Variants in NGLY1 observed in about 807,000 individuals in gnomAD.
NGLY1 encodes the protein peptide-N(4)-(N-acetyl-beta-glucosaminyl)asparagine amidase.
NGLY1 carries 68 observed loss-of-function variants against 84.6 expected under a neutral mutation model. The observed-to-expected ratio is 0.80, with a 90% confidence interval of 0.66 to 0.98. The LOEUF is 0.98. Among genes scored for constraint, NGLY1 ranks in the 50% least tolerant of loss-of-function variants. The probability of loss-of-function intolerance (pLI) is 0.00; values close to 1 mark genes in which losing one functional copy is unlikely to be tolerated. For missense variants in NGLY1, 779 were observed against 770.2 expected (o/e 1.01, Z -0.14); for synonymous variants, 280 against 275.2 (o/e 1.02, Z -0.17).
chr3:25,733,276 C>CTTTTTTT (rs1705633290), intron 8 of NGLY1, among the ~76,000 whole-genome samples: 1 of 152,124 alleles, frequency 6.6e-6, no homozygotes, highest in African/African-American at 2.4e-5. Context: ...CTGCCTGCTA[C>CTTTTTTT]AGCAAAATTC....
intron 2 of NGLY1, among the ~76,000 whole-genome samples, chr3:25,777,124 G>A (rs897231731): frequency 2.0e-5 from 3 of 152,314 alleles, no homozygotes; most frequent in South Asian, 4.1e-4. Flanking sequence ...GGCTGGGCAC[G>A]GCGGCTCACG....
intron 2 of NGLY1, among the ~76,000 whole-genome samples, chr3:25,766,362 C>G (rs555582080): frequency 1.3e-5 from 2 of 152,148 alleles, no homozygotes; most frequent in African/African-American, 4.8e-5. Flanking sequence ...CCACCATTCC[C>G]GGCCAATACT....
upstream of NGLY1, among the ~76,000 whole-genome samples, chr3:25,787,223 A>G (rs1708624249): frequency 1.3e-5 from 2 of 152,178 alleles, no homozygotes; most frequent in South Asian, 4.1e-4. Flanking sequence ...GAAGCCTTAA[A>G]TTGAGAGGTT....
chr3:25,742,385 G>C (rs1247365373), intron 4 of NGLY1, among the ~76,000 whole-genome samples: 1 of 152,036 alleles, frequency 6.6e-6, no homozygotes, highest in Non-Finnish European at 1.5e-5. Context: ...TTAAAAAGCT[G>C]TCCAATACAT....
chr3:25,783,245 C>A lies in NGLY1; in HGVS notation c.131+15G>T. 1 of 1,607,164 alleles carries A rather than the reference C, an allele frequency of 6.2e-7. No homozygotes were observed. Among genetic ancestry groups the A allele is most frequent in the East Asian group, 2.3e-5 (1 of 44,118 alleles). ...CCCACCCCGGTACCCGCCGTCCGACCCCGTTGCCCTGCACCTGAGGATGTT... is the reference window on the plus strand; with the variant it reads ...CCCACCCCGGTACCCGCCGTCCGACACCGTTGCCCTGCACCTGAGGATGTT... On this transcript the variant is annotated intron_variant, in intron 1 of 11. Coordinates refer to ENST00000280700, the MANE Select transcript of NGLY1 (RefSeq NM_018297.4). The surrounding 1 kb of genome is among the most constrained non-coding windows in gnomAD (Gnocchi z 4.5).
chr3:25,728,297 CACTAGCAGCTGTTT>C (rs1481250867), intron 10 of NGLY1, among the ~76,000 whole-genome samples: 1 of 152,088 alleles, frequency 6.6e-6, no homozygotes, highest in East Asian at 1.9e-4. Flanking sequence ...TGCTCATAAA[CACTAGCAGCTGTTT>C]ATATGTGACT....
At chr3:25,786,677 A>G (rs1329449906), upstream of NGLY1, among the ~76,000 whole-genome samples, 1 of 152,238 alleles carries the variant, frequency 6.6e-6, no homozygotes, top group East Asian at 1.9e-4. Context: ...ACAGTTACTC[A>G]AGAACTTTAA....
At chr3:25,780,381 C>T (rs1343318475) in intron 1 of NGLY1, among the ~76,000 whole-genome samples, 3 of 152,078 alleles carry the variant, frequency 2.0e-5, no homozygotes, top group Non-Finnish European at 2.9e-5. Flanking sequence ...AGCTAGTTTT[C>T]GATAAATGGG....
chr3:25,746,523 C>T (rs934520867), intron 4 of NGLY1, among the ~76,000 whole-genome samples: 5 of 152,166 alleles, frequency 3.3e-5, no homozygotes, highest in Non-Finnish European at 7.3e-5. Flanking sequence ...AGAAAAAATG[C>T]TGGAGCAAAT....
rs768017869 is a variant in NGLY1, at chr3:25,737,415, G to A, written c.922C>T (p.Arg308Trp). 5 of 1,613,058 alleles carry A rather than the reference G, an allele frequency of 3.1e-6. No individual in the cohort carries two copies. Among genetic ancestry groups the A allele is most frequent in the African/African-American group, 2.7e-5 (2 of 74,776 alleles). The change falls in exon 6 of 12, where the codon CGG becomes TGG. Residue 308 changes from arginine (R) to tryptophan (W), a missense_variant. Arg to Trp is a moderately radical substitution (Grantham distance 101, BLOSUM62 -3). Coordinates refer to ENST00000280700, the MANE Select transcript of NGLY1 (RefSeq NM_018297.4). ...PEKLLETRCG[R>W]CGEWANCFTL... ...AAACAATTGGCCCACTCGCCACACC[G>A]TCCACATCTTGTTTCCAAAAGTTTC...
chr3:25,784,028 C>T (rs576199709), upstream of NGLY1: 3 of 152,194 alleles, frequency 2.0e-5, no homozygotes, highest in Non-Finnish European at 4.4e-5. Flanking sequence ...CTCCTTTCCC[C>T]ACAAATAAAA....
chr3:25,720,013 C>T lies in NGLY1; in HGVS notation c.1789+1G>A, dbSNP rs1261363915. The T allele has an allele frequency of 6.2e-7, 1 of 1,607,048 alleles. No individual in the cohort carries two copies. Among genetic ancestry groups the T allele is most frequent in the Non-Finnish European group, 8.5e-7 (1 of 1,175,394 alleles). On this transcript the variant is annotated splice_donor_variant, in intron 11 of 11. Coordinates refer to ENST00000280700, the MANE Select transcript of NGLY1 (RefSeq NM_018297.4). LOFTEE classifies it high-confidence loss of function. The stretch of plus-strand genomic sequence containing the variant: ...GATTAATTCTCCAGGCAAATGCTTA[C>T]CGCCTGTCAGTTCTACTTGTGCTGT...
At chr3:25,749,905 T>C (rs1706640309) in intron 4 of NGLY1, 2 of 767,340 alleles carry the variant, frequency 2.6e-6, no homozygotes, top group African/African-American at 1.8e-5. Context: ...AGACAGCTCA[T>C]GTGCATGTTT....
intron 4 of NGLY1, among the ~76,000 whole-genome samples, chr3:25,744,132 C>A (rs1469514703): frequency 6.6e-6 from 1 of 152,218 alleles, no homozygotes; most frequent in African/African-American, 2.4e-5. Flanking sequence ...TAACTCCATT[C>A]TCTGAAAACC....
At chr3:25,749,452 G>C in intron 4 of NGLY1, 2 of 1,179,430 alleles carry the variant, frequency 1.7e-6, no homozygotes, top group Non-Finnish European at 2.5e-6. Flanking sequence ...CCTCAGCACT[G>C]CCTACAGAGG....
chr3:25,736,243 G>C, intron 6 of NGLY1, 94 bp from the exon 7 acceptor site: 4 of 1,556,594 alleles, frequency 2.6e-6, no homozygotes, highest in Non-Finnish European at 3.5e-6. Context: ...GAATCATAAA[G>C]TAATGCATAA....
chr3:25,763,624 T>A (rs1393886983), intron 3 of NGLY1, among the ~76,000 whole-genome samples: 1 of 152,230 alleles, frequency 6.6e-6, no homozygotes, highest in Non-Finnish European at 1.5e-5. Flanking sequence ...ACAGGATAAT[T>A]TCCTATCAAA....
intron 3 of NGLY1, among the ~76,000 whole-genome samples, chr3:25,761,156 A>G (rs1377470858): frequency 6.6e-6 from 1 of 152,312 alleles, no homozygotes; most frequent in East Asian, 1.9e-4. Flanking sequence ...AAAAGTTCCT[A>G]ACAATTTCAT....
At chr3:25,768,384 T>C (rs1403494842) in intron 2 of NGLY1, among the ~76,000 whole-genome samples, 2 of 148,064 alleles carry the variant, frequency 1.4e-5, no homozygotes, top group Admixed American at 6.8e-5. Context: ...ACTGTGCCAC[T>C]GCACTCTAGC....
Sources: gnomAD v4.1 joint callset for allele counts (sites outside exome capture counted in the v4.1 genomes callset) on GRCh38, gnomAD v4.1.1 for gene constraint, Gnocchi (gnomAD v3.1) non-coding constraint, MANE v1.5 for transcripts, NCBI Gene and HGNC (gene_info 2026-07-23, HGNC 2026-07-21) for gene names.